PAPPA2: variants seen among roughly 807,000 people sequenced by gnomAD.
PAPPA2 encodes the protein pappalysin 2.
A neutral mutation model predicts 176.4 loss-of-function variants in PAPPA2; 86 were observed. The ratio of observed to expected loss-of-function variants is 0.49; its 90% CI spans 0.41 to 0.58. PAPPA2 has a LOEUF of 0.58. Among genes scored for constraint, PAPPA2 ranks in the 20% least tolerant of loss-of-function variants. The pLI, the probability that PAPPA2 is intolerant of heterozygous loss-of-function variation, is 0.00. For missense variants in PAPPA2, 2,073 were observed against 2,256.9 expected, an observed-to-expected ratio of 0.92 and a Z score of 1.65; for synonymous variants, 809 against 852.2, an observed-to-expected ratio of 0.95 and a Z score of 0.88.
At chr1:176,626,708 G>A (rs550510771) in intron 3 of PAPPA2, among the ~76,000 whole-genome samples, 1 of 152,218 alleles carries the variant, frequency 6.6e-6, no homozygotes, top group African/African-American at 2.4e-5. Flanking sequence ...TTGAGGGATG[G>A]GGAAAAGAAG....
At chr1:176,480,596 C>T (rs185837191) in intron 1 of PAPPA2, among the ~76,000 whole-genome samples, 75 of 152,210 alleles carry the variant, frequency 4.9e-4, no homozygotes, top group South Asian at 4.1e-3. Flanking sequence ...TCATGAGCAC[C>T]GGGAGCTGTC....
chr1:176,742,462 T>G (rs534490894), intron 14 of PAPPA2, among the ~76,000 whole-genome samples: 2 of 152,274 alleles, frequency 1.3e-5, no homozygotes, highest in East Asian at 3.9e-4. Context: ...AAAAACAAGT[T>G]TCATATGCAT....
chr1:176,792,404 C>T (rs540775352), intron 19 of PAPPA2, among the ~76,000 whole-genome samples: 1 of 152,278 alleles, frequency 6.6e-6, no homozygotes, highest in East Asian at 1.9e-4. Flanking sequence ...AAGCTCATTG[C>T]CATCTTCAAG....
chr1:176,507,121 G>A (rs1259826424), intron 1 of PAPPA2, among the ~76,000 whole-genome samples: 1 of 150,678 alleles, frequency 6.6e-6, no homozygotes, highest in Non-Finnish European at 1.5e-5. Flanking sequence ...TTAAAAAAAG[G>A]GCAAAAGACA....
At chr1:176,469,224 G>A (rs1651764789) in intron 1 of PAPPA2, among the ~76,000 whole-genome samples, 2 of 152,120 alleles carry the variant, frequency 1.3e-5, no homozygotes, top group African/African-American at 4.8e-5. Context: ...AGGTCTTTGT[G>A]GCTTTCTCTT....
intron 3 of PAPPA2, among the ~76,000 whole-genome samples, chr1:176,632,116 C>G (rs1339381163): frequency 6.6e-6 from 1 of 152,072 alleles, no homozygotes; most frequent in African/African-American, 2.4e-5. Context: ...TTTAGGAAGA[C>G]AGTGAAGATT....
intron 21 of PAPPA2, among the ~76,000 whole-genome samples, chr1:176,813,000 T>A (rs1399716916): frequency 1.3e-5 from 2 of 152,138 alleles, no homozygotes; most frequent in Non-Finnish European, 2.9e-5. Context: ...GTTCATGTGT[T>A]CTCATCATTC....
rs1257564646 is a variant in PAPPA2, at chr1:176,689,488, G to A, written c.2138-649G>A. ...TATCTTTTGTCTGACTAGTTGTTGA[G>A]AGTAGGGATTATTAAATCAGAAGCA... is the stretch of plus-strand genomic sequence containing the variant. On this transcript the variant is annotated intron_variant, in intron 4 of 22. Coordinates refer to ENST00000367662, the MANE Select transcript of PAPPA2 (RefSeq NM_020318.3). Among the ~76,000 whole-genome samples, 3 of 152,292 alleles carry A rather than the reference G, an allele frequency of 2.0e-5. No individual in the cohort carries two copies. In the East Asian group the frequency reaches 5.8e-4, roughly 29 times the overall value.
At chr1:176,698,441 C>A (rs1428732924) in intron 7 of PAPPA2, among the ~76,000 whole-genome samples, 3 of 152,142 alleles carry the variant, frequency 2.0e-5, no homozygotes, top group African/African-American at 7.2e-5. Context: ...ATGGAGCTGA[C>A]TTTCATAGAT....
At chr1:176,838,123 A>T (rs77893635) in intron 21 of PAPPA2, among the ~76,000 whole-genome samples, 11,008 of 152,248 alleles carry the variant, frequency 0.072, 437 homozygotes, top group Non-Finnish European at 0.086. Flanking sequence ...GCTATAGCAA[A>T]GGAAGTCCAG....
chr1:176,600,671 G>A (rs1310948901), intron 3 of PAPPA2, among the ~76,000 whole-genome samples: 5 of 94,222 alleles, frequency 5.3e-5, no homozygotes, highest in African/African-American at 1.6e-4. Flanking sequence ...GCGAGACTCC[G>A]TCTCAAAAAA....
At chr1:176,721,018 A>C (rs1661591071) in intron 12 of PAPPA2, among the ~76,000 whole-genome samples, 1 of 152,202 alleles carries the variant, frequency 6.6e-6, no homozygotes, top group African/African-American at 2.4e-5. Flanking sequence ...GATGGCACTC[A>C]TCCACACTGA....
chr1:176,482,876 A>C (rs931751773), intron 1 of PAPPA2, among the ~76,000 whole-genome samples: 4 of 152,190 alleles, frequency 2.6e-5, no homozygotes, highest in African/African-American at 9.7e-5. Context: ...GACCAGGCTT[A>C]GGTCACATGC....
At chr1:176,539,166 C>T (rs377393414) in intron 1 of PAPPA2, among the ~76,000 whole-genome samples, 69 of 152,178 alleles carry the variant, frequency 4.5e-4, no homozygotes, top group Non-Finnish European at 7.6e-4. Context: ...GTTAGGCAGA[C>T]GAGAATCATT....
chr1:176,499,115 A>T (rs1207545315), intron 1 of PAPPA2, among the ~76,000 whole-genome samples: 2 of 152,336 alleles, frequency 1.3e-5, no homozygotes, highest in East Asian at 3.9e-4. Flanking sequence ...ACAAATAGTT[A>T]CCTGGCTGAA....
intron 1 of PAPPA2, among the ~76,000 whole-genome samples, chr1:176,528,601 T>C (rs1649623336): frequency 6.6e-6 from 1 of 152,252 alleles, no homozygotes; most frequent in African/African-American, 2.4e-5. Context: ...CTTTTAGATA[T>C]GCAATCATTC....
At chr1:176,513,434 C>G (rs1482509253) in intron 1 of PAPPA2, among the ~76,000 whole-genome samples, 1 of 151,916 alleles carries the variant, frequency 6.6e-6, no homozygotes, top group Non-Finnish European at 1.5e-5. Flanking sequence ...AAGAGTCTAC[C>G]TCTCCTTCTC....
At chr1:176,731,693 G>A (rs1571241359) in intron 12 of PAPPA2, among the ~76,000 whole-genome samples, 1 of 151,634 alleles carries the variant, frequency 6.6e-6, no homozygotes, top group African/African-American at 2.4e-5. Context: ...ATACATATAT[G>A]TGTACATATA....
intron 16 of PAPPA2, 42 bp downstream of exon 16, chr1:176,769,826 C>T: frequency 1.3e-6 from 2 of 1,535,558 alleles, no homozygotes; most frequent in Non-Finnish European, 1.8e-6. Context: ...AGTTCTCTGC[C>T]ATCCCTCGCT....
Sources: allele counts gnomAD v4.1 joint callset (sites outside exome capture counted in the v4.1 genomes callset), GRCh38; gene constraint gnomAD v4.1.1; transcripts MANE v1.5; gene names NCBI Gene and HGNC (gene_info 2026-07-23, HGNC 2026-07-21).